PLPP1: variants seen among roughly 807,000 people sequenced by gnomAD.
The protein encoded by PLPP1 is lipid phosphate phosphohydrolase 1a.
PLPP1 carries 24 observed loss-of-function variants against 31.2 expected under a neutral mutation model. That is an observed-to-expected ratio of 0.77 (90% CI 0.56 to 1.08). PLPP1 has a LOEUF of 1.08. Ranked by LOEUF, PLPP1 falls within the 50% of genes least tolerant of loss-of-function variation. PLPP1 has a pLI of 0.00. For missense variants in PLPP1, 319 were observed against 342.7 expected, an observed-to-expected ratio of 0.93 and a Z score of 0.55; for synonymous variants, 146 against 126.3, an observed-to-expected ratio of 1.16 and a Z score of -1.05.
intron 1 of PLPP1, among the ~76,000 whole-genome samples, chr5:55,478,546 G>C (rs534718130): frequency 6.6e-6 from 1 of 152,304 alleles, no homozygotes; most frequent in East Asian, 1.9e-4. Flanking sequence ...TTTGGGGATA[G>C]AAAGGGTCTC....
chr5:55,440,145 C>T (rs1751589826), intron 4 of PLPP1, among the ~76,000 whole-genome samples: 1 of 152,154 alleles, frequency 6.6e-6, no homozygotes, highest in South Asian at 2.1e-4. Flanking sequence ...TCAATCAAAA[C>T]TCAGATTTCT....
intron 1 of PLPP1, among the ~76,000 whole-genome samples, chr5:55,521,550 G>A (rs1474903931): frequency 1.3e-5 from 2 of 151,912 alleles, no homozygotes; most frequent in East Asian, 3.9e-4. Context: ...CAAAAAACTT[G>A]ATTAAAATAC....
intron 1 of PLPP1, among the ~76,000 whole-genome samples, chr5:55,512,522 A>G (rs1218820324): frequency 5.4e-4 from 4 of 7,348 alleles, no homozygotes; most frequent in African/African-American, 1.4e-3. Context: ...AAAAGAAAGA[A>G]AGAAAGAAAG....
At chr5:55,499,112 G>C (rs1223198168) in intron 1 of PLPP1, among the ~76,000 whole-genome samples, 1 of 152,168 alleles carries the variant, frequency 6.6e-6, no homozygotes, top group Non-Finnish European at 1.5e-5. Context: ...AGAGTAAAAA[G>C]CAATCACACT....
intron 3 of PLPP1, among the ~76,000 whole-genome samples, chr5:55,458,749 G>A (rs1394845703): frequency 3.3e-5 from 5 of 151,902 alleles, no homozygotes; most frequent in Non-Finnish European, 4.4e-5. Context: ...TTAATTGGGC[G>A]TGGTGGCGCA....
intron 3 of PLPP1, among the ~76,000 whole-genome samples, chr5:55,444,105 A>T (rs1281125480): frequency 3.3e-5 from 5 of 149,496 alleles, no homozygotes; most frequent in Non-Finnish European, 7.4e-5. Context: ...TTTTTGAGAC[A>T]GAGTCTCACT....
intron 2 of PLPP1, among the ~76,000 whole-genome samples, chr5:55,472,338 C>T (rs1752432390): frequency 6.6e-6 from 1 of 151,770 alleles, no homozygotes; most frequent in Admixed American, 6.6e-5. Flanking sequence ...CGCAGTGGCT[C>T]ACACCTATAA....
Position 55,534,505 on chromosome 5 carries a change from C to T in PLPP1, c.58+67G>A, listed in dbSNP as rs1579994026. ...GGCAACACACCCCCGCTGCCCGTCG[C>T]GGCTCTGCGCTAAAGCCCTCCCGGG... On this transcript the variant is annotated intron_variant, in intron 1 of 5. Coordinates refer to ENST00000307259, the MANE Select transcript of PLPP1 (RefSeq NM_003711.4). 1.2e-5 allele frequency: 17 copies of T among 1,445,250 alleles called. 1 individual carries two copies. The African/African-American group carries it at 1.3e-4, about 11-fold the overall frequency. The allele number at this position is 1,445,250 out of a possible 1,614,324, so 89.5% of individuals were successfully genotyped here.
At chr5:55,454,339 C>T (rs1208321338) in intron 3 of PLPP1, among the ~76,000 whole-genome samples, 1 of 152,110 alleles carries the variant, frequency 6.6e-6, no homozygotes, top group Non-Finnish European at 1.5e-5. Context: ...AATGTCTCTG[C>T]AAACCTCATT....
intron 4 of PLPP1, among the ~76,000 whole-genome samples, chr5:55,439,052 T>C (rs1751562188): frequency 6.6e-6 from 1 of 152,190 alleles, no homozygotes; most frequent in Non-Finnish European, 1.5e-5. Flanking sequence ...TGGCCTGCTT[T>C]CTTCTCCAGA....
At chr5:55,495,540 T>C (rs1487816560) in intron 1 of PLPP1, among the ~76,000 whole-genome samples, 1 of 152,050 alleles carries the variant, frequency 6.6e-6, no homozygotes, top group Non-Finnish European at 1.5e-5. Flanking sequence ...TGCTAAGACA[T>C]CAAGGAGCAT....
At chr5:55,488,775 T>C (rs902002466) in intron 1 of PLPP1, among the ~76,000 whole-genome samples, 1 of 152,216 alleles carries the variant, frequency 6.6e-6, no homozygotes, top group African/African-American at 2.4e-5. Context: ...ATTTTCTCTT[T>C]CTACTTTATA....
chr5:55,502,825 G>GA (rs1012645747), intron 1 of PLPP1, among the ~76,000 whole-genome samples: 4 of 150,972 alleles, frequency 2.6e-5, no homozygotes, highest in Admixed American at 1.3e-4. Flanking sequence ...CCAGTGCTCA[G>GA]AAAAAAAAAC....
chr5:55,435,986 C>G (rs1305059467), intron 4 of PLPP1, among the ~76,000 whole-genome samples: 2 of 142,802 alleles, frequency 1.4e-5, no homozygotes, highest in Non-Finnish European at 3.0e-5. Flanking sequence ...TGCCCTCCAG[C>G]CTGGGCGACA....
intron 4 of PLPP1, among the ~76,000 whole-genome samples, chr5:55,427,432 C>T (rs1277094021): frequency 6.6e-6 from 1 of 152,164 alleles, no homozygotes; most frequent in Non-Finnish European, 1.5e-5. Context: ...AGTTTAAGAA[C>T]CACTGGCTTT....
At position 55,425,118 on chromosome 5, in the gene PLPP1, A is replaced by G. The variant is rs1357024756; in HGVS notation, c.*88T>C. 1.3e-6 allele frequency: 2 copies of G among 1,486,222 alleles called. No homozygotes were observed. The highest frequency in any genetic ancestry group is 1.8e-6 in the Non-Finnish European group (2 of 1,101,764). 92.1% of individuals were successfully genotyped at this position (1,486,222 alleles called of 1,614,324 possible). On this transcript the variant is annotated 3_prime_UTR_variant, in exon 6 of 6. Coordinates refer to ENST00000307259, the MANE Select transcript of PLPP1 (RefSeq NM_003711.4). ...AGCAGAAGTCTTTAAAGGCTTGTAC[A>G]CCAGGAAGAAAGATGCATCCTCTTG...
chr5:55,531,056 T>C (rs1163758519), intron 1 of PLPP1, among the ~76,000 whole-genome samples: 9 of 152,242 alleles, frequency 5.9e-5, no homozygotes, highest in Non-Finnish European at 1.3e-4. Flanking sequence ...GCTCAGATAA[T>C]GTATATGGCC....
intron 1 of PLPP1, among the ~76,000 whole-genome samples, chr5:55,514,010 T>C (rs558315077): frequency 7.2e-5 from 11 of 152,358 alleles, no homozygotes; most frequent in African/African-American, 2.6e-4. Context: ...ATTTCAGTCA[T>C]TTTGGTATAC....
In PLPP1 at chr5:55,424,891, A is replaced by AAATC. The variant is rs1751126720; in HGVS notation, c.*311_*314dup. 1 of 701,170 alleles carries AAATC rather than the reference A, an allele frequency of 1.4e-6. No individual in the cohort carries two copies. Among genetic ancestry groups the AAATC allele is most frequent in the Non-Finnish European group, 2.4e-6 (1 of 413,456 alleles). The allele number at this position is 701,170 out of a possible 1,614,324, so 43.4% of individuals were successfully genotyped here. On this transcript the variant is annotated 3_prime_UTR_variant, in exon 6 of 6. Coordinates refer to ENST00000307259, the MANE Select transcript of PLPP1 (RefSeq NM_003711.4). ...ATACATTTTAATATGTATTATATTT[A>AAATC]AATCAAACATCATTCATAGAAAGCA...
Sources: gnomAD v4.1 joint callset for allele counts (sites outside exome capture counted in the v4.1 genomes callset) on GRCh38, gnomAD v4.1.1 for gene constraint, MANE v1.5 for transcripts, NCBI Gene and HGNC (gene_info 2026-07-23, HGNC 2026-07-21) for gene names.